Variants in PTPRE observed in about 807,000 individuals in gnomAD.
PTPRE encodes the protein protein tyrosine phosphatase receptor type E, also known as receptor-type tyrosine-protein phosphatase epsilon.
In PTPRE, 51 loss-of-function variants were observed where a neutral mutation model predicts 102.0. That is an observed-to-expected ratio of 0.50 (90% confidence interval 0.40 to 0.63). The LOEUF is 0.63. Among genes scored for constraint, PTPRE ranks in the 30% least tolerant of loss-of-function variants. The pLI, the probability that PTPRE is intolerant of heterozygous loss-of-function variation, is 0.00. For synonymous variants in PTPRE, 345 were observed against 348.2 expected, an observed-to-expected ratio of 0.99 and a Z score of 0.10; for missense variants, 752 against 915.1, an observed-to-expected ratio of 0.82 and a Z score of 2.30.
intron 2 of PTPRE, among the ~76,000 whole-genome samples, chr10:128,010,796 T>G (rs2135610448): frequency 6.6e-6 from 1 of 152,256 alleles, no homozygotes; most frequent in South Asian, 2.1e-4. Context: ...TTTCACCGTG[T>G]TAGCCAGGAT....
chr10:128,078,579 G>A lies in PTPRE; in HGVS notation c.1892+796G>A, dbSNP rs2136074861. Among the ~76,000 whole-genome samples, 3 of 152,296 alleles carry A rather than the reference G, an allele frequency of 2.0e-5. No homozygotes were observed. The South Asian group carries it at 6.2e-4, about 32-fold the overall frequency. The stretch of plus-strand genomic sequence containing the variant: ...CTCACACTGGTGGCGCCCACTCTTT[G>A]TGACTGCCTTTCACCCCCACCCACT... On this transcript the variant is annotated intron_variant, in intron 19 of 20. Transcript: ENST00000254667.
At chr10:127,976,953 G>A (rs574480720) in intron 1 of PTPRE, among the ~76,000 whole-genome samples, 1 of 152,208 alleles carries the variant, frequency 6.6e-6, no homozygotes, top group African/African-American at 2.4e-5. Flanking sequence ...AGAGACAGCC[G>A]CAGGGGCCGT....
intron 2 of PTPRE, among the ~76,000 whole-genome samples, chr10:128,014,888 A>G (rs1053121585): frequency 1.6e-4 from 24 of 151,960 alleles, no homozygotes; most frequent in African/African-American, 5.6e-4. Flanking sequence ...TGGAGATGAC[A>G]TGGCTGGGAA....
chr10:127,910,499 T>A (rs1845794323), intron 1 of PTPRE, among the ~76,000 whole-genome samples: 1 of 152,338 alleles, frequency 6.6e-6, no homozygotes, highest in South Asian at 2.1e-4. Context: ...AAGTAGTTTA[T>A]CTCCTCCACT....
chr10:128,004,095 T>C (rs1854263981), intron 2 of PTPRE, among the ~76,000 whole-genome samples: 1 of 151,886 alleles, frequency 6.6e-6, no homozygotes, highest in Admixed American at 6.6e-5. Flanking sequence ...GGGTCAATGA[T>C]GTGAAGCACT....
intron 2 of PTPRE, among the ~76,000 whole-genome samples, chr10:128,032,824 C>CTCTCT (rs1436168922): frequency 6.6e-6 from 1 of 152,174 alleles, no homozygotes; most frequent in Non-Finnish European, 1.5e-5. Flanking sequence ...ACAGTCTGAA[C>CTCTCT]TCTCTTCTTC....
At chr10:128,066,998 A>C (rs1221054549) in intron 11 of PTPRE, among the ~76,000 whole-genome samples, 1 of 150,532 alleles carries the variant, frequency 6.6e-6, no homozygotes, top group Admixed American at 6.6e-5. Context: ...ACAGGCACAC[A>C]CACGTACACC....
At chr10:127,984,297 T>C (rs1851898170) in intron 2 of PTPRE, among the ~76,000 whole-genome samples, 1 of 151,884 alleles carries the variant, frequency 6.6e-6, no homozygotes, top group Admixed American at 6.6e-5. Flanking sequence ...GTCAGGCTGG[T>C]CTCGAACTCC....
chr10:128,061,107 C>T, intron 8 of PTPRE, 92 bp downstream of exon 8: 1 of 1,315,324 alleles, frequency 7.6e-7, no homozygotes, highest in Non-Finnish European at 1.1e-6. Context: ...TAAATTGTCA[C>T]AACCTTTCTG....
In PTPRE at chr10:128,028,913, A is replaced by G. The variant is rs1846488748; in HGVS notation, c.-7-11962A>G. Among the ~76,000 whole-genome samples the G allele has an allele frequency of 6.6e-6, 1 of 152,112 alleles. No individual in the cohort carries two copies. The highest frequency in any genetic ancestry group is 2.1e-4 in the South Asian group (1 of 4,822). ...CCTCTGGCCTCAGCTGTCCTCCTCG[A>G]GGAGCGCTATCCTGCTCCGTCTCTG... is the stretch of plus-strand genomic sequence containing the variant. On this transcript the variant is annotated intron_variant, in intron 2 of 20. Transcript: ENST00000254667. This position sits in a 1 kb window ranked among gnomAD's most constrained non-coding sequence, Gnocchi z 4.5.
intron 11 of PTPRE, among the ~76,000 whole-genome samples, chr10:128,067,281 C>A (rs1328294107): frequency 6.6e-6 from 1 of 151,186 alleles, no homozygotes; most frequent in African/African-American, 2.4e-5. Flanking sequence ...CACACACACG[C>A]ACCCACACAC....
intron 2 of PTPRE, among the ~76,000 whole-genome samples, chr10:128,030,901 G>T (rs1033602526): frequency 1.3e-5 from 2 of 152,186 alleles, no homozygotes; most frequent in African/African-American, 2.4e-5. Flanking sequence ...ACAGGGGCAG[G>T]CACCCTGCAG....
At position 127,921,628 on chromosome 10, in the gene PTPRE, C is replaced by T. The variant is rs1261181863; in HGVS notation, c.-31+14319C>T. 2.0e-5 allele frequency among the ~76,000 whole-genome samples: 3 copies of T among 152,324 alleles called. No homozygotes were observed. The East Asian group carries it at 5.8e-4, about 29-fold the overall frequency. ...ACAGAGCTGGGGGCCAGGAGAGGCT[C>T]ACTGAGCTGTTGCCCAGCAGGGCTG... On this transcript the variant is annotated intron_variant, in intron 1 of 20. Transcript: ENST00000254667.
intron 5 of PTPRE, among the ~76,000 whole-genome samples, chr10:128,048,687 A>G (rs1848300473): frequency 1.3e-5 from 2 of 152,136 alleles, no homozygotes; most frequent in Non-Finnish European, 2.9e-5. Context: ...TGAATGTTTC[A>G]ATAGCAGGAA....
At position 127,979,532 on chromosome 10, in the gene PTPRE, C is replaced by T. The variant is rs886076454; in HGVS notation, c.-30-2742C>T. 3.9e-5 allele frequency among the ~76,000 whole-genome samples: 6 copies of T among 152,082 alleles called. 1 individual carries two copies. The highest frequency in any genetic ancestry group is 1.9e-4 in the East Asian group (1 of 5,182). On this transcript the variant is annotated intron_variant, in intron 1 of 20. Coordinates refer to ENST00000254667, the MANE Select transcript of PTPRE (RefSeq NM_006504.6). The stretch of plus-strand genomic sequence containing the variant: ...GATCTATTTGTAGTACAAAAATTAG[C>T]GGAATGTGGTAGTGCACACCTGTAG...
chr10:128,060,763 T>C (rs1206230701), intron 7 of PTPRE, among the ~76,000 whole-genome samples, 176 bp from the exon 8 acceptor site: 1 of 152,162 alleles, frequency 6.6e-6, no homozygotes, highest in Non-Finnish European at 1.5e-5. Flanking sequence ...ACTAGTGTTC[T>C]CCATGGGAAC....
At chr10:127,991,529 G>C (rs1308186758) in intron 2 of PTPRE, among the ~76,000 whole-genome samples, 1 of 152,182 alleles carries the variant, frequency 6.6e-6, no homozygotes, top group East Asian at 1.9e-4. Flanking sequence ...ACGCCATCAT[G>C]AATGGAATGC....
chr10:127,950,485 G>A (rs530532011), intron 1 of PTPRE, among the ~76,000 whole-genome samples: 1 of 152,304 alleles, frequency 6.6e-6, no homozygotes, highest in African/African-American at 2.4e-5. Flanking sequence ...CCACACACTA[G>A]GAGGGTCCAG....
chr10:128,067,758 T>C (rs1432455791), intron 11 of PTPRE, among the ~76,000 whole-genome samples: 1 of 152,150 alleles, frequency 6.6e-6, no homozygotes, highest in Non-Finnish European at 1.5e-5. Flanking sequence ...CTGTTGGTGA[T>C]TACTCAGCAC....
Sources: gnomAD v4.1 joint callset for allele counts (sites outside exome capture counted in the v4.1 genomes callset) on GRCh38, gnomAD v4.1.1 for gene constraint, Gnocchi (gnomAD v3.1) non-coding constraint, MANE v1.5 for transcripts, NCBI Gene and HGNC (gene_info 2026-07-23, HGNC 2026-07-21) for gene names.